Variants in KIAA1217 observed in about 807,000 individuals in gnomAD.
KIAA1217 encodes sickle tail protein homolog.
A neutral mutation model predicts 163.9 loss-of-function variants in KIAA1217; 88 were observed. The ratio of observed to expected loss-of-function variants is 0.54; its 90% CI spans 0.45 to 0.64. The LOEUF is 0.64. KIAA1217 is among the 30% of genes least tolerant of loss of function. The pLI, the probability that KIAA1217 is intolerant of heterozygous loss-of-function variation, is 0.00. For synonymous variants in KIAA1217, 903 were observed against 923.1 expected, an observed-to-expected ratio of 0.98 and a Z score of 0.39; for missense variants, 2,372 against 2,475.0, an observed-to-expected ratio of 0.96 and a Z score of 0.88.
chr10:23,727,228 C>T lies in KIAA1217; in HGVS notation c.-321+31994C>T, dbSNP rs151187954. On this transcript the variant is annotated intron_variant, in intron 1 of 18. Transcript: ENST00000376462. Reference sequence around the variant, plus strand: ...GGAAGGTCTCGATCTCCTAACCTTGCGATCCACCCCTCTCGGCCTCCCAGG... The same window carrying T: ...GGAAGGTCTCGATCTCCTAACCTTGTGATCCACCCCTCTCGGCCTCCCAGG... Among the ~76,000 whole-genome samples, 96 of 151,852 alleles carry T rather than the reference C, an allele frequency of 6.3e-4. No homozygotes were observed. In the East Asian group the frequency reaches 0.015, roughly 24 times the overall value.
chr10:24,478,462 C>T (rs1350625266), intron 6 of KIAA1217, among the ~76,000 whole-genome samples: 2 of 152,140 alleles, frequency 1.3e-5, no homozygotes, highest in African/African-American at 2.4e-5. Context: ...GTATAACATT[C>T]TTGTGATGGT....
chr10:24,138,287 T>C (rs2063912494), intron 2 of KIAA1217, among the ~76,000 whole-genome samples: 1 of 152,066 alleles, frequency 6.6e-6, no homozygotes, highest in African/African-American at 2.4e-5. Flanking sequence ...CCCAAGTAAC[T>C]GGGACTACAG....
rs542915547 is a variant in KIAA1217, at chr10:24,253,404, T to C, written c.354+33495T>C. 4.6e-5 allele frequency among the ~76,000 whole-genome samples: 7 copies of C among 152,290 alleles called. No homozygotes were observed. The South Asian group carries it at 1.5e-3, about 32-fold the overall frequency. Reference sequence around the variant, plus strand: ...CGTAGCTCACCACGGTGACCCCCAATGCAGGCCACTTACAGAAGCTTGAAG... The same window carrying C: ...CGTAGCTCACCACGGTGACCCCCAACGCAGGCCACTTACAGAAGCTTGAAG... On this transcript the variant is annotated intron_variant, in intron 2 of 20. Transcript: ENST00000376454.
intron 2 of KIAA1217, among the ~76,000 whole-genome samples, chr10:24,334,227 CTT>C (rs911612761): frequency 3.9e-5 from 6 of 152,116 alleles, no homozygotes; most frequent in Admixed American, 3.3e-4. Flanking sequence ...TTTTGGATGA[CTT>C]AGTCTATTGC....
At chr10:24,316,332 CA>C (rs2043366348) in intron 2 of KIAA1217, among the ~76,000 whole-genome samples, 1 of 152,112 alleles carries the variant, frequency 6.6e-6, no homozygotes, top group African/African-American at 2.4e-5. Flanking sequence ...TCCCAGTTTG[CA>C]GGCATGGAAG....
At chr10:24,341,243 C>T (rs1355584117) in intron 2 of KIAA1217, among the ~76,000 whole-genome samples, 3 of 152,114 alleles carry the variant, frequency 2.0e-5, no homozygotes, top group Non-Finnish European at 4.4e-5. Context: ...AGAGGCATTC[C>T]ACAGTGGTAT....
At chr10:24,426,125 G>A (rs1012159116) in intron 3 of KIAA1217, among the ~76,000 whole-genome samples, 1 of 152,198 alleles carries the variant, frequency 6.6e-6, no homozygotes, top group African/African-American at 2.4e-5. Context: ...ACCGTCAGCT[G>A]CCTGCAGAAG....
intron 1 of KIAA1217, among the ~76,000 whole-genome samples, chr10:23,886,072 G>A (rs1841158577): frequency 6.6e-6 from 1 of 151,900 alleles, no homozygotes; most frequent in Non-Finnish European, 1.5e-5. Flanking sequence ...GTGTGATTGT[G>A]TGGGTGATGC....
At chr10:24,090,313 T>C (rs942426227) in intron 2 of KIAA1217, among the ~76,000 whole-genome samples, 1 of 144,816 alleles carries the variant, frequency 6.9e-6, no homozygotes, top group East Asian at 2.0e-4. Flanking sequence ...ACTACAGGCA[T>C]GCACCCTCAC....
intron 1 of KIAA1217, among the ~76,000 whole-genome samples, chr10:23,724,772 C>T (rs1313213190): frequency 6.6e-6 from 1 of 152,166 alleles, no homozygotes; most frequent in African/African-American, 2.4e-5. Context: ...TTTTATTTCC[C>T]TCCATAATAG....
intron 6 of KIAA1217, among the ~76,000 whole-genome samples, chr10:24,480,430 A>G (rs2064533561): frequency 6.6e-6 from 1 of 152,206 alleles, no homozygotes; most frequent in Non-Finnish European, 1.5e-5. Context: ...AGAGGCAGTA[A>G]CTTGTAATGG....
intron 4 of KIAA1217, among the ~76,000 whole-genome samples, chr10:24,435,961 A>C (rs1440113419): frequency 1.3e-5 from 2 of 151,976 alleles, no homozygotes; most frequent in Admixed American, 1.3e-4. Flanking sequence ...CCTGGGTTCA[A>C]GTAATTCTCA....
intron 1 of KIAA1217, among the ~76,000 whole-genome samples, chr10:23,902,131 C>A (rs1841983230): frequency 6.6e-6 from 1 of 151,914 alleles, no homozygotes; most frequent in Non-Finnish European, 1.5e-5. Context: ...TGGTCTATAT[C>A]CCTCTGACAT....
intron 2 of KIAA1217, among the ~76,000 whole-genome samples, chr10:24,316,547 T>C (rs572197948): frequency 6.6e-6 from 1 of 152,274 alleles, no homozygotes; most frequent in African/African-American, 2.4e-5. Context: ...TGTCCACCCC[T>C]AGTGGACTCG....
At chr10:24,277,229 G>A (rs2132108904) in intron 2 of KIAA1217, among the ~76,000 whole-genome samples, 1 of 152,326 alleles carries the variant, frequency 6.6e-6, no homozygotes, top group Admixed American at 6.5e-5. Flanking sequence ...GCTCAACCTG[G>A]ATTCCTCAGT....
intron 1 of KIAA1217, among the ~76,000 whole-genome samples, chr10:23,935,356 T>A (rs1843481481): frequency 1.3e-5 from 2 of 152,222 alleles, no homozygotes; most frequent in African/African-American, 4.8e-5. Context: ...CTCAGATCAC[T>A]GCGAGAAAAA....
chr10:24,157,949 T>C (rs2131877252), intron 2 of KIAA1217: 1 of 720,708 alleles, frequency 1.4e-6, no homozygotes, highest in South Asian at 1.6e-5. Flanking sequence ...ATTTTGAATG[T>C]GGAATTTGCC....
intron 2 of KIAA1217, among the ~76,000 whole-genome samples, chr10:24,248,477 C>T (rs2074080614): frequency 6.6e-6 from 1 of 151,872 alleles, no homozygotes. Flanking sequence ...TCAAGACCAG[C>T]CTGGCCAACA....
chr10:24,324,795 T>G (rs1757242025), intron 2 of KIAA1217, among the ~76,000 whole-genome samples: 1 of 152,160 alleles, frequency 6.6e-6, no homozygotes. Context: ...TGTGGGCTGG[T>G]CTTGTCAAGT....
Sources: gnomAD v4.1 joint callset for allele counts (sites outside exome capture counted in the v4.1 genomes callset) on GRCh38, gnomAD v4.1.1 for gene constraint, MANE v1.5 for transcripts, NCBI Gene and HGNC (gene_info 2026-07-23, HGNC 2026-07-21) for gene names.